The following HSD17B4 variants were observed in gnomAD, a reference collection of about 807,000 sequenced individuals.
The protein encoded by HSD17B4 is hydroxysteroid 17-beta dehydrogenase 4, also known as peroxisomal multifunctional enzyme type 2.
HSD17B4 carries 70 observed loss-of-function variants against 101.0 expected under a neutral mutation model. That is an observed-to-expected ratio of 0.69 (90% CI 0.57 to 0.85). The LOEUF (loss-of-function observed/expected upper bound fraction) is 0.85, where lower values mean the gene tolerates loss of function less well. HSD17B4 is among the 40% of genes least tolerant of loss of function. The pLI, the probability that HSD17B4 is intolerant of heterozygous loss-of-function variation, is 0.00. For missense variants in HSD17B4, 984 were observed against 892.4 expected (o/e 1.10, Z -1.31); for synonymous variants, 347 against 297.1 (o/e 1.17, Z -1.73).
chr5:119,515,803 C>T (rs1429953176), intron 17 of HSD17B4, among the ~76,000 whole-genome samples: 1 of 151,982 alleles, frequency 6.6e-6, no homozygotes, highest in Non-Finnish European at 1.5e-5. Context: ...TCAGAAAGGT[C>T]ACTTTAAAAA....
chr5:119,504,382 A>G (rs901278130), intron 14 of HSD17B4, among the ~76,000 whole-genome samples: 3 of 152,146 alleles, frequency 2.0e-5, no homozygotes, highest in African/African-American at 7.2e-5. Flanking sequence ...AGCTGTACTA[A>G]TTTACATTCC....
intron 17 of HSD17B4, 139 bp downstream of exon 17, chr5:119,515,185 CAT>C (rs1419161326): frequency 9.8e-6 from 6 of 611,478 alleles, no homozygotes; most frequent in African/African-American, 5.6e-5. Flanking sequence ...AACATACAGA[CAT>C]GTTTCCTGTG....
chr5:119,493,057 A>G (rs1750260216), intron 10 of HSD17B4: 1 of 152,218 alleles, frequency 6.6e-6, no homozygotes, highest in Non-Finnish European at 1.5e-5. Context: ...AAAAAGGAAC[A>G]TAAGGTTTTG....
chr5:119,494,030 G>A, intron 11 of HSD17B4, 84 bp downstream of exon 11: 1 of 1,361,556 alleles, frequency 7.3e-7, no homozygotes, highest in Non-Finnish European at 1.0e-6. Context: ...TGTCTTCTAT[G>A]TTAACTGTAG....
At chr5:119,509,782 C>T (rs1752006655) in intron 16 of HSD17B4, among the ~76,000 whole-genome samples, 1 of 152,178 alleles carries the variant, frequency 6.6e-6, no homozygotes, top group African/African-American at 2.4e-5. Context: ...AGCAGGACTC[C>T]TTCCTCCATG....
intron 11 of HSD17B4, among the ~76,000 whole-genome samples, chr5:119,495,374 T>A (rs954727002): frequency 1.3e-5 from 2 of 152,210 alleles, no homozygotes; most frequent in Non-Finnish European, 2.9e-5. Context: ...GAAGCACAAT[T>A]TTTAAAAAAT....
At position 119,462,248 on chromosome 5, in the gene HSD17B4, A is replaced by ATT. The variant is rs10524491; in HGVS notation, c.112+5914_112+5915dup. On this transcript the variant is annotated intron_variant, in intron 2 of 23. Transcript: ENST00000510025. ...TTCATATCCTCCCCCAACAAATGTGATTTTTTTTTTTTTTTTTTTTTTTTT... is the reference window on the plus strand; with the variant it reads ...TTCATATCCTCCCCCAACAAATGTGATTTTTTTTTTTTTTTTTTTTTTTTTTT... 3.0e-3 allele frequency among the ~76,000 whole-genome samples: 90 copies of ATT among 29,982 alleles called. 2 individuals are homozygous for ATT. Among genetic ancestry groups the ATT allele is most frequent in the Admixed American group, 4.2e-3 (6 of 1,438 alleles). The allele number at this position is 29,982 out of a possible 152,430, so 19.7% of individuals were successfully genotyped here. A position where few individuals can be genotyped will look rare whatever the true frequency, so the allele number is the denominator to read the frequency against.
At chr5:119,519,852 G>A (rs924614428) in intron 17 of HSD17B4, among the ~76,000 whole-genome samples, 1 of 152,030 alleles carries the variant, frequency 6.6e-6, no homozygotes, top group Admixed American at 6.5e-5. Context: ...TCTACTAAAC[G>A]ATCACAGTAT....
intron 2 of HSD17B4, among the ~76,000 whole-genome samples, chr5:119,473,619 A>G (rs1748253654): frequency 6.6e-6 from 1 of 152,106 alleles, no homozygotes; most frequent in Admixed American, 6.6e-5. Flanking sequence ...CACCATGCCC[A>G]GTCTTCTTTA....
At chr5:119,473,197 G>T (rs1748164123) in intron 2 of HSD17B4, among the ~76,000 whole-genome samples, 1 of 123,688 alleles carries the variant, frequency 8.1e-6, no homozygotes, top group South Asian at 2.9e-4. Flanking sequence ...TCTTATAGTA[G>T]TTTTGTTTTC....
intron 2 of HSD17B4, among the ~76,000 whole-genome samples, chr5:119,460,260 C>G (rs1013188161): frequency 6.6e-6 from 1 of 152,180 alleles, no homozygotes; most frequent in African/African-American, 2.4e-5. Context: ...CCATCCCAGG[C>G]TGCTTTAGGC....
intron 1 of HSD17B4, 28 bp from the exon 2 acceptor site, chr5:119,456,287 A>G: frequency 2.6e-6 from 4 of 1,565,756 alleles, no homozygotes; most frequent in Non-Finnish European, 2.6e-6. Context: ...CATTTCTTCA[A>G]CTTTCTGATT....
At chr5:119,505,878 C>G (rs1395558087) in intron 14 of HSD17B4, among the ~76,000 whole-genome samples, 1 of 151,824 alleles carries the variant, frequency 6.6e-6, no homozygotes, top group Non-Finnish European at 1.5e-5. Flanking sequence ...TCAAAAGACA[C>G]CAAGAGGAGT....
In HSD17B4 at chr5:119,497,209, T is replaced by TGG. The variant is rs138831573; in HGVS notation, c.972+568_972+569dup. On this transcript the variant is annotated intron_variant, in intron 12 of 23. Coordinates refer to ENST00000510025, the MANE Select transcript of HSD17B4 (RefSeq NM_000414.4). ...GCATATAATTTTTGGTAGGCTCCAT[T>TGG]GGGGGGTGTGATGAATCAGGTTAGC... Among the ~76,000 whole-genome samples, 195 of 151,854 alleles carry TGG rather than the reference T, an allele frequency of 1.3e-3. 1 individual carries two copies. The highest frequency in any genetic ancestry group is 4.4e-3 in the African/African-American group (181 of 41,368).
Position 119,484,638 on chromosome 5 carries a change from A to T in HSD17B4, c.623-4554A>T, listed in dbSNP as rs116221765. Among the ~76,000 whole-genome samples the T allele has an allele frequency of 9.2e-3, 1,408 of 152,308 alleles. 20 individuals are homozygous for T. Among genetic ancestry groups the T allele is most frequent in the African/African-American group, 0.031 (1,302 of 41,580 alleles). On this transcript the variant is annotated intron_variant, in intron 8 of 23. Coordinates refer to ENST00000510025, the MANE Select transcript of HSD17B4 (RefSeq NM_000414.4). ...TCTGTGAAAAGGTACAAAATAATTGATGAAATTATTTTAAAATAAGCTACT... is the reference window on the plus strand; with the variant it reads ...TCTGTGAAAAGGTACAAAATAATTGTTGAAATTATTTTAAAATAAGCTACT...
intron 14 of HSD17B4, among the ~76,000 whole-genome samples, chr5:119,504,136 A>G (rs567921619): frequency 5.8e-4 from 88 of 152,328 alleles, no homozygotes; most frequent in Admixed American, 8.5e-4. Context: ...GCTGCGTAGT[A>G]TTCCATGGTA....
At chr5:119,505,757 T>C (rs1751587299) in intron 14 of HSD17B4, among the ~76,000 whole-genome samples, 1 of 152,034 alleles carries the variant, frequency 6.6e-6, no homozygotes, top group Non-Finnish European at 1.5e-5. Context: ...TATTGCCAGA[T>C]TGCTCTGGGT....
At chr5:119,495,130 ATT>A (rs1750512958) in intron 11 of HSD17B4, among the ~76,000 whole-genome samples, 1 of 151,930 alleles carries the variant, frequency 6.6e-6, no homozygotes, top group African/African-American at 2.4e-5. Context: ...TGATAACATG[ATT>A]GTTATGTCAT....
intron 13 of HSD17B4, 60 bp from the exon 14 acceptor site, chr5:119,501,981 A>G (rs1260657462): frequency 1.1e-5 from 11 of 1,004,644 alleles, no homozygotes; most frequent in Non-Finnish European, 1.8e-5. Context: ...AACAGTATCC[A>G]TAGGCAGAAC....
Sources: allele counts gnomAD v4.1 joint callset (sites outside exome capture counted in the v4.1 genomes callset), GRCh38; gene constraint gnomAD v4.1.1; transcripts MANE v1.5; gene names NCBI Gene and HGNC (gene_info 2026-07-23, HGNC 2026-07-21).